The following RHEB variants were observed in gnomAD, a reference collection of about 807,000 sequenced individuals.
RHEB encodes GTP-binding protein Rheb.
A neutral mutation model predicts 28.8 loss-of-function variants in RHEB; 2 were observed. The observed-to-expected ratio is 0.07, with a 90% CI of 0.03 to 0.22. The LOEUF is 0.22. Among genes scored for constraint, RHEB ranks in the 10% least tolerant of loss-of-function variants. The pLI is 1.00. For missense variants in RHEB, 76 were observed against 219.9 expected, an observed-to-expected ratio of 0.35 and a Z score of 4.14; for synonymous variants, 69 against 77.3, an observed-to-expected ratio of 0.89 and a Z score of 0.56.
intron 2 of RHEB, among the ~76,000 whole-genome samples, chr7:151,490,194 C>T (rs950114473): frequency 6.6e-5 from 10 of 152,184 alleles, no homozygotes; most frequent in African/African-American, 2.4e-4. Context: ...TTCCAGCCAC[C>T]TGGGAGGCTG....
chr7:151,476,128 C>T (rs141858416), intron 4 of RHEB, among the ~76,000 whole-genome samples: 86 of 152,108 alleles, frequency 5.7e-4, no homozygotes, highest in Middle Eastern at 3.4e-3. Flanking sequence ...TAAGAATGGC[C>T]GAGAATGGTA....
At chr7:151,509,387 A>G (rs1167414282) in intron 1 of RHEB, among the ~76,000 whole-genome samples, 1 of 151,564 alleles carries the variant, frequency 6.6e-6, no homozygotes, top group African/African-American at 2.4e-5. Context: ...TGGCAGGTGC[A>G]TAAATAAATC....
rs944213599 is a variant in RHEB at position 151,466,628 on chromosome 7, C to T, written c.*491G>A. On this transcript the variant is annotated 3_prime_UTR_variant, in exon 8 of 8. Transcript: ENST00000262187. ...TCTTCACTGGTTTCTGGAATCCAACCTGGGGCCTTCCTGAAGCCAAGTGAG... is the reference window on the plus strand; with the variant it reads ...TCTTCACTGGTTTCTGGAATCCAACTTGGGGCCTTCCTGAAGCCAAGTGAG... 2 of 156,528 alleles carry T rather than the reference C, an allele frequency of 1.3e-5. No homozygotes were observed. Among genetic ancestry groups the T allele is most frequent in the African/African-American group, 4.8e-5 (2 of 41,484 alleles). The allele number at this position is 156,528 out of a possible 1,614,324, so 9.7% of individuals were successfully genotyped here.
intron 3 of RHEB, among the ~76,000 whole-genome samples, chr7:151,478,693 T>C (rs972838030): frequency 6.6e-6 from 1 of 152,112 alleles, no homozygotes; most frequent in African/African-American, 2.4e-5. Context: ...TGGAATGCAA[T>C]GGCACTATCT....
chr7:151,479,255 C>T (rs1423885756), intron 3 of RHEB, among the ~76,000 whole-genome samples: 1 of 151,894 alleles, frequency 6.6e-6, no homozygotes, highest in African/African-American at 2.4e-5. Flanking sequence ...CCCAGAGCCA[C>T]CTGAGGATGA....
At position 151,484,810 on chromosome 7, in the gene RHEB, G is replaced by A. The variant is rs1044902558; in HGVS notation, c.125-6C>T. 4 of 1,602,032 alleles carry A rather than the reference G, an allele frequency of 2.5e-6. No individual in the cohort carries two copies. The highest frequency in any genetic ancestry group is 3.4e-6 in the Non-Finnish European group (4 of 1,170,164). ...TGTGATCAACTTTGTAAAAGCTACAGGGAAAAAGGAAATTAAACATTAGTT... is the reference window on the plus strand; with the variant it reads ...TGTGATCAACTTTGTAAAAGCTACAAGGAAAAAGGAAATTAAACATTAGTT... On this transcript the variant is annotated splice_polypyrimidine_tract_variant and splice_region_variant and intron_variant, in intron 2 of 7. Transcript: ENST00000262187.
At chr7:151,504,861 C>T (rs1483547842) in intron 1 of RHEB, among the ~76,000 whole-genome samples, 1 of 150,734 alleles carries the variant, frequency 6.6e-6, no homozygotes, top group Admixed American at 6.6e-5. Flanking sequence ...CTGTTGAATG[C>T]TACCTCAAAA....
intron 7 of RHEB, chr7:151,470,365 G>A: frequency 2.5e-6 from 1 of 396,848 alleles, no homozygotes; most frequent in Non-Finnish European, 4.6e-6. Context: ...AATATCCTAG[G>A]TTCCACTGTA....
At chr7:151,497,207 T>C (rs1802689896) in intron 1 of RHEB, among the ~76,000 whole-genome samples, 1 of 152,176 alleles carries the variant, frequency 6.6e-6, no homozygotes, top group African/African-American at 2.4e-5. Flanking sequence ...TATCCCTCCA[T>C]GTCCCATTGC....
At chr7:151,518,693 T>C (rs1803125402) in intron 1 of RHEB, among the ~76,000 whole-genome samples, 1 of 152,116 alleles carries the variant, frequency 6.6e-6, no homozygotes, top group African/African-American at 2.4e-5. Flanking sequence ...GTCAACCTTT[T>C]GGGGGAAGAA....
intron 1 of RHEB, among the ~76,000 whole-genome samples, chr7:151,518,508 T>C (rs763062291): frequency 6.6e-6 from 1 of 152,112 alleles, no homozygotes; most frequent in Non-Finnish European, 1.5e-5. Context: ...TCTCCAGGCT[T>C]CCGGATGTCG....
chr7:151,476,152 T>C (rs73729815), intron 4 of RHEB, among the ~76,000 whole-genome samples: 1,838 of 152,334 alleles, frequency 0.012, 38 homozygotes, highest in African/African-American at 0.041. Flanking sequence ...AAACATTTTA[T>C]AGCTAGAACT....
chr7:151,519,593 G>C lies in RHEB; in HGVS notation c.-82C>G. ...TGCTGCTGTGATCGGCGGCGGCCGC[G>C]CCGGGAGAGAGCGGCATACAGAGCA... On this transcript the variant is annotated 5_prime_UTR_variant, in exon 1 of 8. Transcript: ENST00000262187. 1 of 1,367,122 alleles carries C rather than the reference G, an allele frequency of 7.3e-7. No individual in the cohort carries two copies. The highest frequency in any genetic ancestry group is 2.6e-4 in the Middle Eastern group (1 of 3,828). The allele number at this position is 1,367,122 out of a possible 1,614,324, so 84.7% of individuals were successfully genotyped here. A position where few individuals can be genotyped will look rare whatever the true frequency, so the allele number is the denominator to read the frequency against.
At chr7:151,478,191 G>A (rs1334368247) in intron 3 of RHEB, among the ~76,000 whole-genome samples, 1 of 152,154 alleles carries the variant, frequency 6.6e-6, no homozygotes, top group Non-Finnish European at 1.5e-5. Context: ...ACGCGCCACT[G>A]TCTGGTACGA....
chr7:151,477,600 G>C (rs1802294509), intron 3 of RHEB, among the ~76,000 whole-genome samples, 185 bp from the exon 4 acceptor site: 1 of 152,136 alleles, frequency 6.6e-6, no homozygotes, highest in South Asian at 2.1e-4. Flanking sequence ...TGTGGTTCAA[G>C]CCAATATTTA....
rs80344737 is a variant in RHEB at position 151,477,516 on chromosome 7, C to T, written c.193-101G>A. 0.01 allele frequency: 6,937 copies of T among 683,492 alleles called. 328 individuals carry two copies. The African/African-American group carries it at 0.11, about 11-fold the overall frequency. 42.3% of individuals were successfully genotyped at this position (683,492 alleles called of 1,614,324 possible). ...TATTACCTGAAGAAATCAAAGTAGA[C>T]GCAGAGTGGATTACAATATTATGCC... On this transcript the variant is annotated intron_variant, in intron 3 of 7. Transcript: ENST00000262187.
rs142614050 is a variant in RHEB at position 151,512,539 on chromosome 7, A to G, written c.52+6921T>C. ...AGAGGCCAAACCAATAGGCACACAG[A>G]TATCATAACTCTCCTGATGTTCTCT... is the stretch of plus-strand genomic sequence containing the variant. On this transcript the variant is annotated intron_variant, in intron 1 of 7. Coordinates refer to ENST00000262187, the MANE Select transcript of RHEB (RefSeq NM_005614.4). Among the ~76,000 whole-genome samples, 245 of 152,312 alleles carry G rather than the reference A, an allele frequency of 1.6e-3. 1 individual carries two copies. The highest frequency in any genetic ancestry group is 5.8e-3 in the African/African-American group (240 of 41,562).
intron 1 of RHEB, chr7:151,519,138 G>A (rs1018171862): frequency 6.4e-6 from 1 of 155,452 alleles, no homozygotes; most frequent in Non-Finnish European, 1.4e-5. Flanking sequence ...GCGGCTCCCC[G>A]GCGCCGCCTC....
rs189922108 is a variant in RHEB at position 151,500,334 on chromosome 7, C to T, written c.53-9320G>A. On this transcript the variant is annotated intron_variant, in intron 1 of 7. Transcript: ENST00000262187. The stretch of plus-strand genomic sequence containing the variant: ...AATCTCTAAGAAAAAAATAAGAAAA[C>T]CTTAAGAAGAAACAAAGTATGTACC... 2.7e-3 allele frequency among the ~76,000 whole-genome samples: 409 copies of T among 151,932 alleles called. 8 individuals carry two copies. Among genetic ancestry groups the T allele is most frequent in the Non-Finnish European group, 2.2e-3 (151 of 67,938 alleles).
Sources: gnomAD v4.1 joint callset for allele counts (sites outside exome capture counted in the v4.1 genomes callset) on GRCh38, gnomAD v4.1.1 for gene constraint, MANE v1.5 for transcripts, NCBI Gene and HGNC (gene_info 2026-07-23, HGNC 2026-07-21) for gene names.